RIMBP2: variants seen among roughly 807,000 people sequenced by gnomAD.
RIMBP2 encodes the protein RIMS-binding protein 2.
RIMBP2 carries 48 observed loss-of-function variants against 118.6 expected under a neutral mutation model. The observed-to-expected ratio is 0.40, with a 90% CI of 0.32 to 0.51. The LOEUF (loss-of-function observed/expected upper bound fraction) is 0.51. Ranked by LOEUF, RIMBP2 falls within the 20% of genes least tolerant of loss-of-function variation. The probability of loss-of-function intolerance (pLI) is 0.41; values close to 1 mark genes in which losing one functional copy is unlikely to be tolerated. For synonymous variants in RIMBP2, 762 were observed against 742.9 expected, an observed-to-expected ratio of 1.03 and a Z score of -0.42; for missense variants, 1,551 against 1,768.3, an observed-to-expected ratio of 0.88 and a Z score of 2.20.
intron 2 of RIMBP2, among the ~76,000 whole-genome samples, chr12:130,527,050 G>A (rs967312722): frequency 6.6e-6 from 1 of 151,168 alleles, no homozygotes; most frequent in Non-Finnish European, 1.5e-5. Context: ...ACTCCCGCCC[G>A]CCCCTTGAGG....
At chr12:130,494,173 A>C (rs1208105090) in intron 4 of RIMBP2, among the ~76,000 whole-genome samples, 1 of 152,124 alleles carries the variant, frequency 6.6e-6, no homozygotes, top group African/African-American at 2.4e-5. Context: ...TGCGCTGGGG[A>C]CAGGGACAGA....
chr12:130,697,379 C>T (rs957841532), intron 1 of RIMBP2, among the ~76,000 whole-genome samples: 9 of 152,064 alleles, frequency 5.9e-5, no homozygotes, highest in Non-Finnish European at 7.4e-5. Flanking sequence ...ACAAAATAGC[C>T]GGGTATGGTG....
rs533923538 is a variant in RIMBP2 at position 130,523,789 on chromosome 12, C to T, written c.-216-5872G>A. ...CCAGCCTTGTGGGTGCAGCAGACAG[C>T]GCAGGGCATTCTGGGTTGAGATGTC... is the stretch of plus-strand genomic sequence containing the variant. On this transcript the variant is annotated intron_variant, in intron 2 of 22. Coordinates refer to ENST00000690449, the MANE Select transcript of RIMBP2 (RefSeq NM_001393629.1). This position sits in a 1 kb window ranked among gnomAD's most constrained non-coding sequence, Gnocchi z 4.4. 1.4e-4 allele frequency among the ~76,000 whole-genome samples: 21 copies of T among 152,274 alleles called. No individual in the cohort carries two copies. The highest frequency in any genetic ancestry group is 4.2e-4 in the South Asian group (2 of 4,816).
chr12:130,651,848 G>T (rs1461411982), intron 1 of RIMBP2, among the ~76,000 whole-genome samples: 1 of 152,044 alleles, frequency 6.6e-6, no homozygotes, highest in Non-Finnish European at 1.5e-5. Flanking sequence ...TGTCTTAGCA[G>T]TTATCATATT....
intron 17 of RIMBP2, among the ~76,000 whole-genome samples, chr12:130,416,999 A>G (rs1296565668): frequency 6.6e-6 from 1 of 152,186 alleles, no homozygotes; most frequent in African/African-American, 2.4e-5. Flanking sequence ...AATGCTCCAC[A>G]TCACTAATCA....
At chr12:130,514,471 C>G (rs956812013) in intron 3 of RIMBP2, among the ~76,000 whole-genome samples, 2 of 152,260 alleles carry the variant, frequency 1.3e-5, no homozygotes, top group African/African-American at 4.8e-5. Context: ...CCGGCCCTTG[C>G]TGGCCTGGTC....
chr12:130,605,726 T>G (rs1396756411), intron 2 of RIMBP2, among the ~76,000 whole-genome samples: 1 of 152,230 alleles, frequency 6.6e-6, no homozygotes, highest in Non-Finnish European at 1.5e-5. Flanking sequence ...TTCATTGTGC[T>G]ATTCTTGCCA....
intron 1 of RIMBP2, among the ~76,000 whole-genome samples, chr12:130,708,940 G>C (rs1051297524): frequency 6.6e-6 from 1 of 152,124 alleles, no homozygotes; most frequent in Admixed American, 6.5e-5. Flanking sequence ...TCTCTCCCCA[G>C]CTGTGTGATC....
Position 130,456,644 on chromosome 12 carries a change from C to A in RIMBP2, c.210G>T (p.Leu70=). 6.2e-7 allele frequency: 1 copy of A among 1,613,122 alleles called. No homozygotes were observed. Among genetic ancestry groups the A allele is most frequent in the Non-Finnish European group, 8.5e-7 (1 of 1,179,468 alleles). ...GGAACTTCTCCAGGTCCCGGGACAG[C>A]AGGTTGAACTGCTCACTTTGAGTCC... ...KCRTQSEQFN[L]LSRDLEKFRQ... The change falls in exon 7 of 23, where the codon CTG becomes CTT. Residue 70 remains leucine, a synonymous_variant. Transcript: ENST00000690449.
At chr12:130,407,305 C>G (rs752932660) in intron 20 of RIMBP2, among the ~76,000 whole-genome samples, 1 of 152,172 alleles carries the variant, frequency 6.6e-6, no homozygotes, top group Non-Finnish European at 1.5e-5. Context: ...CAAGCTGTGC[C>G]AGGCGACACA....
At chr12:130,619,653 C>T (rs564297809) in intron 2 of RIMBP2, among the ~76,000 whole-genome samples, 10 of 147,668 alleles carry the variant, frequency 6.8e-5, no homozygotes, top group South Asian at 2.2e-4. Flanking sequence ...AATCTAGCCA[C>T]GGTGTGTCGT....
intron 6 of RIMBP2, among the ~76,000 whole-genome samples, chr12:130,468,449 C>G (rs1040578132): frequency 3.9e-5 from 6 of 152,142 alleles, no homozygotes; most frequent in Non-Finnish European, 5.9e-5. Context: ...CCCCGGGGAA[C>G]CCACTTAGAG....
rs748158971 is a variant in RIMBP2 at position 130,437,118 on chromosome 12, C to G, written c.1830G>C (p.Pro610=). 1 of 1,581,094 alleles carries G rather than the reference C, an allele frequency of 6.3e-7. No individual in the cohort carries two copies. Residue 610 remains proline, a synonymous_variant, in exon 13 of 23, where the codon CCG becomes CCC. Coordinates refer to ENST00000690449, the MANE Select transcript of RIMBP2 (RefSeq NM_001393629.1). ...PELLVPPTPH[P]RPAPQSKPLA... ...ATGGCTTTGATTGGGGTGCAGGTCT[C>G]GGGTGGGGGGTAGGAGGCACCAGGA...
intron 21 of RIMBP2, among the ~76,000 whole-genome samples, chr12:130,402,758 A>G (rs923459313): frequency 6.6e-6 from 1 of 152,212 alleles, no homozygotes; most frequent in Non-Finnish European, 1.5e-5. Context: ...TCTGTGCCCC[A>G]GTCAGTGAGA....
chr12:130,664,407 GCA>G (rs1171293233), intron 1 of RIMBP2, among the ~76,000 whole-genome samples: 4 of 86,068 alleles, frequency 4.6e-5, no homozygotes, highest in African/African-American at 1.6e-4. Context: ...ACGCACGCAC[GCA>G]CGCACACACA....
At chr12:130,413,595 T>G (rs1402949481) in intron 18 of RIMBP2, among the ~76,000 whole-genome samples, 2 of 133,916 alleles carry the variant, frequency 1.5e-5, no homozygotes, top group Non-Finnish European at 3.0e-5. Flanking sequence ...ATGGTGCCAC[T>G]GTACTCCAGC....
At chr12:130,656,651 C>T (rs1356877986) in intron 1 of RIMBP2, among the ~76,000 whole-genome samples, 5 of 152,140 alleles carry the variant, frequency 3.3e-5, no homozygotes, top group South Asian at 2.1e-4. Context: ...GTCTTCACAC[C>T]GTCTTCCCTC....
At chr12:130,599,076 T>C (rs1024624631) in intron 2 of RIMBP2, among the ~76,000 whole-genome samples, 1 of 152,184 alleles carries the variant, frequency 6.6e-6, no homozygotes, top group East Asian at 1.9e-4. Context: ...AAAATGGTGA[T>C]GGAAATATTG....
Position 130,623,815 on chromosome 12 carries a change from C to T in RIMBP2, c.-217+4507G>A, listed in dbSNP as rs2061464822. Among the ~76,000 whole-genome samples the T allele has an allele frequency of 6.6e-6, 1 of 152,120 alleles. No homozygotes were observed. Among genetic ancestry groups the T allele is most frequent in the African/African-American group, 2.4e-5 (1 of 41,428 alleles). On this transcript the variant is annotated intron_variant, in intron 2 of 22. Coordinates refer to ENST00000690449, the MANE Select transcript of RIMBP2 (RefSeq NM_001393629.1). This position sits in a 1 kb window ranked among gnomAD's most constrained non-coding sequence, Gnocchi z 4.1. ...GTGAAGAGTGCTGGTGGATAAATAC[C>T]CCAGCTCCCTCATCCCTCAAGCAGA...
Sources: allele counts gnomAD v4.1 joint callset (sites outside exome capture counted in the v4.1 genomes callset), GRCh38; gene constraint gnomAD v4.1.1; non-coding constraint Gnocchi (gnomAD v3.1); transcripts MANE v1.5; gene names NCBI Gene and HGNC (gene_info 2026-07-23, HGNC 2026-07-21).